DTNA: variants seen among roughly 807,000 people sequenced by gnomAD.
DTNA encodes the protein dystrophin-related protein 3.
A neutral mutation model predicts 100.7 loss-of-function variants in DTNA; 43 were observed. The observed-to-expected ratio is 0.43, with a 90% CI of 0.33 to 0.55. The LOEUF is 0.55. Ranked by LOEUF, DTNA falls within the 20% of genes least tolerant of loss-of-function variation. The pLI is 0.04. For missense variants in DTNA, 798 were observed against 953.9 expected (o/e 0.84, Z 2.15); for synonymous variants, 349 against 347.9 (o/e 1.00, Z -0.04).
rs199768814 is a variant in DTNA, at chr18:34,746,212, G to GT, written c.-1-9756dup. 1.9e-3 allele frequency among the ~76,000 whole-genome samples: 287 copies of GT among 150,192 alleles called. 2 individuals are homozygous for GT. The highest frequency in any genetic ancestry group is 0.01 in the Middle Eastern group (3 of 288). Reference sequence around the variant, plus strand: ...GGGGGGGACTTTTTAATTATTTGGGGTTTTTTTTCATTTATACCTAATCCT... The same window carrying GT: ...GGGGGGGACTTTTTAATTATTTGGGGTTTTTTTTTCATTTATACCTAATCCT... On this transcript the variant is annotated intron_variant, in intron 1 of 22. Transcript: ENST00000444659.
At chr18:34,665,237 T>G (rs1179702952) in intron 1 of DTNA, among the ~76,000 whole-genome samples, 1 of 152,042 alleles carries the variant, frequency 6.6e-6, no homozygotes, top group Non-Finnish European at 1.5e-5. Context: ...ACACAAATAT[T>G]TTTTTCCTTA....
chr18:34,745,074 A>T lies in DTNA; in HGVS notation c.-1-10902A>T, dbSNP rs575508195. 7.9e-5 allele frequency among the ~76,000 whole-genome samples: 12 copies of T among 152,252 alleles called. 1 individual carries two copies. The South Asian group carries it at 2.5e-3, about 32-fold the overall frequency. ...AGAAGGGGCCTGCATAGTACTCGGA[A>T]CATAGTAAGCTTTTTAAGATGATAA... On this transcript the variant is annotated intron_variant, in intron 1 of 22. Coordinates refer to ENST00000444659, the MANE Select transcript of DTNA (RefSeq NM_001386795.1).
intron 15 of DTNA, among the ~76,000 whole-genome samples, chr18:34,852,899 G>T (rs1386548617): frequency 2.0e-5 from 3 of 152,186 alleles, no homozygotes; most frequent in Non-Finnish European, 4.4e-5. Flanking sequence ...GTTGGGGGCA[G>T]GAGGTTGTCA....
intron 1 of DTNA, among the ~76,000 whole-genome samples, chr18:34,618,300 C>T (rs1204727437): frequency 1.3e-5 from 2 of 152,120 alleles, no homozygotes; most frequent in Non-Finnish European, 2.9e-5. Context: ...GGTTCATTCT[C>T]CTTCAATATT....
rs141247908 is a variant in DTNA at position 34,630,610 on chromosome 18, TAA to T, written c.-1-125364_-1-125363del. Among the ~76,000 whole-genome samples, 994 of 151,900 alleles carry T rather than the reference TAA, an allele frequency of 6.5e-3. 8 individuals carry two copies. The highest frequency in any genetic ancestry group is 0.023 in the African/African-American group (950 of 41,414). Reference sequence around the variant, plus strand: ...TGGATAGAGGCAGTAGCACAGGAGGTAAAGAGTGTCAGTTTCCTGAGACATGA... The same window carrying T: ...TGGATAGAGGCAGTAGCACAGGAGGTAGAGTGTCAGTTTCCTGAGACATGA... On this transcript the variant is annotated intron_variant, in intron 1 of 19. Transcript: ENST00000283365.
At chr18:34,662,417 G>A (rs2075328657) in intron 1 of DTNA, among the ~76,000 whole-genome samples, 1 of 152,074 alleles carries the variant, frequency 6.6e-6, no homozygotes, top group Non-Finnish European at 1.5e-5. Context: ...AAGGGACTGG[G>A]CGATCCTGGG....
intron 6 of DTNA, among the ~76,000 whole-genome samples, chr18:34,813,459 G>A (rs986794213): frequency 3.6e-4 from 49 of 136,716 alleles, no homozygotes; most frequent in Non-Finnish European, 2.6e-4. Context: ...AAAAAAAAAA[G>A]GTATATCCCT....
At chr18:34,578,895 C>T (rs28713193) in intron 1 of DTNA, among the ~76,000 whole-genome samples, 16,055 of 151,962 alleles carry the variant, frequency 0.11, 1,244 homozygotes, top group African/African-American at 0.21. Context: ...TAATGTTTAC[C>T]GTCATTAGAT....
intron 9 of DTNA, chr18:34,822,680 G>C (rs527640857): frequency 3.3e-5 from 5 of 153,454 alleles, no homozygotes; most frequent in Non-Finnish European, 7.3e-5. Context: ...GAGAAAGAGA[G>C]GGAGAAAGAA....
chr18:34,668,792 A>T (rs999630965), intron 1 of DTNA, among the ~76,000 whole-genome samples: 1 of 151,412 alleles, frequency 6.6e-6, no homozygotes. Flanking sequence ...TCTGAGAGAC[A>T]GTTTGTTATA....
In DTNA at chr18:34,887,851, G is replaced by C; in HGVS notation, c.*117G>C. The C allele has an allele frequency of 1.0e-6, 1 of 986,600 alleles. No individual in the cohort carries two copies. Among genetic ancestry groups the C allele is most frequent in the Non-Finnish European group, 1.2e-6 (1 of 830,316 alleles). The allele number at this position is 986,600 out of a possible 1,614,324, so 61.1% of individuals were successfully genotyped here. A position where few individuals can be genotyped will look rare whatever the true frequency, so the allele number is the denominator to read the frequency against. On this transcript the variant is annotated 3_prime_UTR_variant, in exon 23 of 23. Coordinates refer to ENST00000444659, the MANE Select transcript of DTNA (RefSeq NM_001386795.1). ...TGTGGCCACACAGAGGAGGAAGACA[G>C]CAGCCTGGCAGCAGCCTCACCGAAG...
chr18:34,501,377 T>A (rs1356251144), intron 1 of DTNA, among the ~76,000 whole-genome samples: 2 of 152,224 alleles, frequency 1.3e-5, no homozygotes, highest in Non-Finnish European at 2.9e-5. Context: ...AATATTTTGT[T>A]AAAGATTTTT....
chr18:34,615,526 C>T (rs2055089087), intron 1 of DTNA, among the ~76,000 whole-genome samples: 2 of 152,214 alleles, frequency 1.3e-5, no homozygotes, highest in South Asian at 4.2e-4. Context: ...TCAGGAAAGG[C>T]TTAGATGATT....
intron 16 of DTNA, among the ~76,000 whole-genome samples, chr18:34,862,849 G>A (rs1455861206): frequency 6.6e-6 from 1 of 152,056 alleles, no homozygotes. Context: ...TCACTAACCT[G>A]TCCTCCCACA....
intron 1 of DTNA, among the ~76,000 whole-genome samples, chr18:34,702,650 A>C (rs912733111): frequency 3.3e-5 from 5 of 152,262 alleles, no homozygotes; most frequent in African/African-American, 1.2e-4. Flanking sequence ...TCCAATTAAT[A>C]ACTTGTAATT....
intron 17 of DTNA, among the ~76,000 whole-genome samples, 171 bp from the exon 18 acceptor site, chr18:34,875,068 T>G (rs116106241): frequency 6.6e-6 from 1 of 152,386 alleles, no homozygotes; most frequent in African/African-American, 2.4e-5. Flanking sequence ...AATAAGGTCC[T>G]AAATTATCTG....
chr18:34,720,830 G>A (rs1341206618), intron 1 of DTNA, among the ~76,000 whole-genome samples: 4 of 152,182 alleles, frequency 2.6e-5, no homozygotes, highest in Admixed American at 2.0e-4. Flanking sequence ...TCCCATCTGT[G>A]ATGGCTTTTT....
At chr18:34,833,406 G>C (rs1206193258) in intron 11 of DTNA, among the ~76,000 whole-genome samples, 15 of 98,520 alleles carry the variant, frequency 1.5e-4, no homozygotes, top group Admixed American at 1.4e-3. Flanking sequence ...TTGTGTCACT[G>C]TGTGTGTGTG....
intron 1 of DTNA, among the ~76,000 whole-genome samples, chr18:34,635,527 T>C (rs2058572848): frequency 6.6e-6 from 1 of 152,208 alleles, no homozygotes; most frequent in Non-Finnish European, 1.5e-5. Context: ...ATCATATTAA[T>C]AAACTTTGCA....
Sources: allele counts gnomAD v4.1 joint callset (sites outside exome capture counted in the v4.1 genomes callset), GRCh38; gene constraint gnomAD v4.1.1; transcripts MANE v1.5; gene names NCBI Gene and HGNC (gene_info 2026-07-23, HGNC 2026-07-21).